The following RIF1 variants were observed in gnomAD, a reference collection of about 807,000 sequenced individuals.
The protein encoded by RIF1 is replication timing regulatory factor 1, also known as telomere-associated protein RIF1.
A neutral mutation model predicts 247.1 loss-of-function variants in RIF1; 45 were observed. The ratio of observed to expected loss-of-function variants is 0.18; its 90% confidence interval spans 0.14 to 0.23. The LOEUF is 0.23. Ranked by LOEUF, RIF1 falls within the 10% of genes least tolerant of loss-of-function variation. RIF1 has a pLI of 1.00. For synonymous variants in RIF1, 1,087 were observed against 978.8 expected (o/e 1.11, Z -2.06); for missense variants, 2,967 against 2,862.5 (o/e 1.04, Z -0.83).
downstream of RIF1, among the ~76,000 whole-genome samples, chr2:151,511,104 A>G (rs192270760): frequency 1.3e-5 from 2 of 152,378 alleles, no homozygotes; most frequent in East Asian, 3.9e-4. Context: ...GGATAGGTCC[A>G]CATGCTGAAG....
chr2:151,470,305 A>G (rs1479659884), intron 34 of RIF1, among the ~76,000 whole-genome samples: 2 of 152,136 alleles, frequency 1.3e-5, no homozygotes, highest in East Asian at 1.9e-4. Context: ...CTGTAAAACT[A>G]TATAGAAAAT....
rs770885675 is a variant in RIF1, at chr2:151,455,068, A to T, written c.2518A>T (p.Ser840Cys). Residue 840 changes from serine to cysteine, a missense_variant, in exon 22 of 36, where the codon AGT becomes TGT. Coordinates refer to ENST00000444746, the MANE Select transcript of RIF1 (RefSeq NM_018151.5). ...CAACTCAATCACCGGCATTATTTCC[A>T]GTGTACTTGGGCATATTTCTTTGCC... ...IGNSITGIIS[S>C]VLGHISLPSM... 4.3e-6 allele frequency: 7 copies of T among 1,613,678 alleles called. No homozygotes were observed. Among genetic ancestry groups the T allele is most frequent in the Non-Finnish European group, 5.9e-6 (7 of 1,179,732 alleles).
chr2:151,456,456 C>T, intron 22 of RIF1, 122 bp from the exon 23 acceptor site: 1 of 579,838 alleles, frequency 1.7e-6, no homozygotes, highest in Non-Finnish European at 3.0e-6. Context: ...CTTTGGGCAC[C>T]TTTTTATATC....
intron 31 of RIF1, 81 bp from the exon 32 acceptor site, chr2:151,468,393 T>C (rs933834074): frequency 1.8e-5 from 21 of 1,141,028 alleles, no homozygotes; most frequent in Non-Finnish European, 2.6e-5. Context: ...AAAGAAATGA[T>C]TGCAGTCTAA....
At chr2:151,418,987 T>G (rs1318844696) in intron 6 of RIF1, among the ~76,000 whole-genome samples, 2 of 150,898 alleles carry the variant, frequency 1.3e-5, no homozygotes, top group East Asian at 3.9e-4. Flanking sequence ...TTTTTTTTTT[T>G]TTTTAACTTT....
chr2:151,509,421 A>C (rs2072167121), downstream of RIF1, among the ~76,000 whole-genome samples: 1 of 152,174 alleles, frequency 6.6e-6, no homozygotes, highest in Non-Finnish European at 1.5e-5. Context: ...AGATTAAGCA[A>C]AAGCTACCTC....
At chr2:151,514,962 A>T in the RIF1 span, 1 of 1,381,036 alleles carries the variant, frequency 7.2e-7, no homozygotes. Context: ...CAAGTTAAAA[A>T]AAAATCTTTA....
At chr2:151,513,633 T>C in the RIF1 span, 1 of 1,610,778 alleles carries the variant, frequency 6.2e-7, no homozygotes. Flanking sequence ...GGAGTTTCAT[T>C]GGCCATGGCA....
chr2:151,474,600 T>C (rs550216919), intron 35 of RIF1, among the ~76,000 whole-genome samples: 1 of 152,198 alleles, frequency 6.6e-6, no homozygotes, highest in South Asian at 2.1e-4. Flanking sequence ...GGCTTGAACC[T>C]ATGAGGCAGA....
At chr2:151,505,067 T>C (rs1375629492) in intron 12 of RIF1, among the ~76,000 whole-genome samples, 5 of 151,774 alleles carry the variant, frequency 3.3e-5, no homozygotes, top group Admixed American at 6.6e-5. Context: ...CACACACACA[T>C]GTTTTATATA....
the RIF1 span, chr2:151,529,361 T>C: frequency 8.4e-6 from 10 of 1,187,120 alleles, no homozygotes; most frequent in Middle Eastern, 1.9e-4. Context: ...TATAGCAGCA[T>C]ACTGAGCATC....
intron 30 of RIF1, among the ~76,000 whole-genome samples, chr2:151,466,857 C>A (rs1696984316): frequency 6.6e-6 from 1 of 152,204 alleles, no homozygotes; most frequent in African/African-American, 2.4e-5. Context: ...TTGTAGAATA[C>A]ATTTTATATA....
At chr2:151,431,779 C>CTGAATGAATGAA (rs10681364) in intron 9 of RIF1, among the ~76,000 whole-genome samples, 15,815 of 149,576 alleles carry the variant, frequency 0.11, 1,019 homozygotes, top group Admixed American at 0.19. Flanking sequence ...ACTTCCGTCT[C>CTGAATGAATGAA]TGAATGAATG....
the RIF1 span, among the ~76,000 whole-genome samples, chr2:151,518,128 A>G: frequency 2.3e-3 from 344 of 152,300 alleles, 8 homozygotes; most frequent in East Asian, 0.044. Flanking sequence ...TTGCATGTAT[A>G]TTTCTCAACT....
At chr2:151,506,868 G>T (rs1366150374) in intron 13 of RIF1, 33 of 1,276,396 alleles carry the variant, frequency 2.6e-5, no homozygotes, top group Non-Finnish European at 3.5e-5. Context: ...AGAGTGAAAT[G>T]ACTAGGTTAG....
At chr2:151,503,065 G>A (rs2065946219) in exon 12 of RIF1, 1 of 580,490 alleles carries the variant, frequency 1.7e-6, no homozygotes, top group Non-Finnish European at 3.0e-6. Context: ...TGCTAATTCT[G>A]GAAATGAAAA....
chr2:151,502,270 G>A (rs900422510), intron 11 of RIF1, among the ~76,000 whole-genome samples: 4 of 152,038 alleles, frequency 2.6e-5, no homozygotes, highest in Non-Finnish European at 5.9e-5. Context: ...ATGGTGCAGT[G>A]TATACTGCTT....
the RIF1 span, among the ~76,000 whole-genome samples, chr2:151,523,089 AATG>A: frequency 1.0e-3 from 152 of 152,314 alleles, no homozygotes; most frequent in African/African-American, 3.5e-3. Flanking sequence ...TTTAAATTAT[AATG>A]ATATGACCTT....
the RIF1 span, among the ~76,000 whole-genome samples, chr2:151,531,570 G>A: frequency 1.8e-3 from 269 of 152,258 alleles, 2 homozygotes; most frequent in South Asian, 0.03. Context: ...ACCTGCCTTG[G>A]CTTCCCAAAG....
Sources: allele counts gnomAD v4.1 joint callset (sites outside exome capture counted in the v4.1 genomes callset), GRCh38; gene constraint gnomAD v4.1.1; transcripts MANE v1.5; gene names NCBI Gene and HGNC (gene_info 2026-07-23, HGNC 2026-07-21).